The following PATJ variants were observed in gnomAD, a reference collection of about 807,000 sequenced individuals.
The protein encoded by PATJ is inaD-like protein.
In PATJ, 190 loss-of-function variants were observed where a neutral mutation model predicts 224.9. That is an observed-to-expected ratio of 0.84 (90% CI 0.75 to 0.95). The LOEUF is 0.95. Ranked by LOEUF, PATJ falls within the 40% of genes least tolerant of loss-of-function variation. PATJ has a pLI of 0.00. For synonymous variants in PATJ, 769 were observed against 820.3 expected (o/e 0.94, Z 1.07); for missense variants, 2,121 against 2,270.3 (o/e 0.93, Z 1.34).
chr1:62,161,073 A>G lies in PATJ; in HGVS notation c.*19A>G. ...GTCATGAGCCTCGGGCCTGATCACA[A>G]GATAGATGTTGTTGTTTAGAATATC... On this transcript the variant is annotated 3_prime_UTR_variant, in exon 44 of 44. Transcript: ENST00000642238. The G allele has an allele frequency of 7.0e-7, 1 of 1,421,404 alleles. No homozygotes were observed. The highest frequency in any genetic ancestry group is 9.2e-7 in the Non-Finnish European group (1 of 1,085,500). The allele number at this position is 1,421,404 out of a possible 1,614,324, so 88.0% of individuals were successfully genotyped here.
chr1:61,959,814 A>G (rs369320740), intron 27 of PATJ, among the ~76,000 whole-genome samples: 1 of 152,180 alleles, frequency 6.6e-6, no homozygotes, highest in Non-Finnish European at 1.5e-5. Flanking sequence ...GTTGTATGAA[A>G]GAATAAGTGC....
chr1:62,007,913 A>C (rs979006477), intron 28 of PATJ, among the ~76,000 whole-genome samples: 7 of 152,218 alleles, frequency 4.6e-5, no homozygotes, highest in Non-Finnish European at 1.0e-4. Context: ...TCAACATATG[A>C]ATTTGCAGAG....
intron 41 of PATJ, among the ~76,000 whole-genome samples, chr1:62,146,718 G>A (rs1019054811): frequency 2.6e-5 from 4 of 151,744 alleles, no homozygotes; most frequent in Non-Finnish European, 4.4e-5. Flanking sequence ...CGGAGGTTGC[G>A]GTGAGCCAAG....
intron 17 of PATJ, among the ~76,000 whole-genome samples, chr1:61,853,692 C>G (rs1663193021): frequency 2.0e-5 from 3 of 152,170 alleles, no homozygotes; most frequent in Non-Finnish European, 2.9e-5. Flanking sequence ...ACAAAATAGA[C>G]AGCTCTTTTA....
chr1:62,127,412 A>T (rs1408412812), intron 39 of PATJ, among the ~76,000 whole-genome samples: 1 of 113,672 alleles, frequency 8.8e-6, no homozygotes, highest in Non-Finnish European at 1.8e-5. Context: ...CTCTATTGGT[A>T]AGGAATTTTT....
At chr1:62,001,647 G>C (rs1645781358) in intron 28 of PATJ, among the ~76,000 whole-genome samples, 1 of 151,826 alleles carries the variant, frequency 6.6e-6, no homozygotes, top group African/African-American at 2.4e-5. Context: ...TTTCGGCTTA[G>C]GATTGACTTG....
intron 3 of PATJ, among the ~76,000 whole-genome samples, chr1:61,765,418 T>G (rs1268884561): frequency 6.6e-6 from 1 of 151,442 alleles, no homozygotes. Context: ...AGAGTCTTGC[T>G]CTGTCATCCA....
rs1659990430 is a variant in PATJ at position 62,086,435 on chromosome 1, C to T, written c.4377+1787C>T. ...TGCCCTTCACTACCTAAAACCAGGGCGACTCCCTAGAGACAATCACTCTTG... is the reference window on the plus strand; with the variant it reads ...TGCCCTTCACTACCTAAAACCAGGGTGACTCCCTAGAGACAATCACTCTTG... On this transcript the variant is annotated intron_variant, in intron 33 of 43. Transcript: ENST00000642238. This position sits in a 1 kb window ranked among gnomAD's most constrained non-coding sequence, Gnocchi z 4.0. Among the ~76,000 whole-genome samples the T allele has an allele frequency of 6.6e-6, 1 of 152,046 alleles. No individual in the cohort carries two copies. The highest frequency in any genetic ancestry group is 2.1e-4 in the South Asian group (1 of 4,828).
At chr1:62,160,063 GATTCTTCTGGCACTGACTTT>G (rs935647914) in intron 43 of PATJ, among the ~76,000 whole-genome samples, 12 of 152,120 alleles carry the variant, frequency 7.9e-5, no homozygotes, top group Admixed American at 3.3e-4. Flanking sequence ...TCATTTAGAG[GATTCTTCTGGCACTGACTTT>G]TCAAGGGACT....
At chr1:62,124,385 AAGT>A (rs1257490679) in intron 39 of PATJ, among the ~76,000 whole-genome samples, 3 of 152,072 alleles carry the variant, frequency 2.0e-5, no homozygotes, top group Non-Finnish European at 1.5e-5. Context: ...GCCCGGCCAA[AAGT>A]AGACTTTTAT....
At chr1:61,862,907 T>C (rs540780376) in intron 19 of PATJ, among the ~76,000 whole-genome samples, 1 of 152,204 alleles carries the variant, frequency 6.6e-6, no homozygotes, top group South Asian at 2.1e-4. Context: ...TATATGTTTC[T>C]ATGATGTCTA....
intron 34 of PATJ, among the ~76,000 whole-genome samples, chr1:62,111,407 A>G (rs1377142338): frequency 6.6e-6 from 1 of 152,200 alleles, no homozygotes; most frequent in African/African-American, 2.4e-5. Flanking sequence ...AACAGCCTTC[A>G]CTGAAGTTAC....
chr1:61,885,489 A>G (rs1471404813), intron 22 of PATJ, among the ~76,000 whole-genome samples: 1 of 151,924 alleles, frequency 6.6e-6, no homozygotes, highest in African/African-American at 2.4e-5. Flanking sequence ...ACCATCTCAC[A>G]CCAGTTAGAA....
At chr1:61,805,807 A>T (rs192629427) in intron 13 of PATJ, among the ~76,000 whole-genome samples, 159 of 152,332 alleles carry the variant, frequency 1.0e-3, no homozygotes, top group Middle Eastern at 3.4e-3. Context: ...AACTGTTGGG[A>T]GAGAGGGCTT....
Position 61,787,909 on chromosome 1 carries a change from C to A in PATJ, c.1005C>A (p.Thr335=), listed in dbSNP as rs769861485. ...ARDPAGDISV[T]PPAPAALPVA... ...ATCCAGCTGGTGACATTTCAGTCAC[C>A]CCCCCTGCCCCTGCAGCCTTACCTG... Residue 335 remains threonine (T), a synonymous_variant, in exon 8 of 44, where the codon ACC becomes ACA. Coordinates refer to ENST00000642238, the MANE Select transcript of PATJ (RefSeq NM_001350145.3). 3 of 1,613,880 alleles carry A rather than the reference C, an allele frequency of 1.9e-6. No individual in the cohort carries two copies. Among genetic ancestry groups the A allele is most frequent in the South Asian group, 2.2e-5 (2 of 91,062 alleles).
At chr1:62,076,116 A>AGTTTT (rs1028184705) in intron 31 of PATJ, among the ~76,000 whole-genome samples, 32 of 152,238 alleles carry the variant, frequency 2.1e-4, no homozygotes, top group South Asian at 8.3e-4. Flanking sequence ...ATCCCAGGCA[A>AGTTTT]GTTTTGTTTT....
At chr1:61,950,119 G>A (rs1466126903) in intron 27 of PATJ, among the ~76,000 whole-genome samples, 7 of 151,984 alleles carry the variant, frequency 4.6e-5, no homozygotes, top group African/African-American at 9.7e-5. Flanking sequence ...CAGGAGAATC[G>A]CTTGAACCCA....
At chr1:61,747,503 A>G (rs1645083620) in intron 1 of PATJ, among the ~76,000 whole-genome samples, 1 of 152,220 alleles carries the variant, frequency 6.6e-6, no homozygotes, top group South Asian at 2.1e-4. Context: ...AGGTTGAAAG[A>G]AAAGAATGTT....
At chr1:61,865,079 G>A (rs1464170707) in intron 20 of PATJ, among the ~76,000 whole-genome samples, 1 of 151,904 alleles carries the variant, frequency 6.6e-6, no homozygotes, top group Non-Finnish European at 1.5e-5. Flanking sequence ...TCTGTGTTAT[G>A]TATGATGCTA....
Sources: gnomAD v4.1 joint callset for allele counts (sites outside exome capture counted in the v4.1 genomes callset) on GRCh38, gnomAD v4.1.1 for gene constraint, Gnocchi (gnomAD v3.1) non-coding constraint, MANE v1.5 for transcripts, NCBI Gene and HGNC (gene_info 2026-07-23, HGNC 2026-07-21) for gene names.